The following USP17L2 variants were observed in gnomAD, a reference collection of about 807,000 sequenced individuals.
USP17L2 encodes the protein ubiquitin carboxyl-terminal hydrolase 17.
A neutral mutation model predicts 39.8 loss-of-function variants in USP17L2; 29 were observed. The ratio of observed to expected loss-of-function variants is 0.73; its 90% CI spans 0.54 to 0.99. USP17L2 has a LOEUF of 0.99. Ranked by LOEUF, USP17L2 falls within the 50% of genes least tolerant of loss-of-function variation. The pLI, the probability that USP17L2 is intolerant of heterozygous loss-of-function variation, is 0.00. For synonymous variants in USP17L2, 231 were observed against 252.7 expected, an observed-to-expected ratio of 0.91 and a Z score of 0.81; for missense variants, 567 against 647.2, an observed-to-expected ratio of 0.88 and a Z score of 1.35.
chr8:12,138,610 G>A lies in USP17L2; in HGVS notation c.151C>T (p.Leu51Phe). 1.3e-6 allele frequency: 2 copies of A among 1,530,708 alleles called. No individual in the cohort carries two copies. The highest frequency in any genetic ancestry group is 1.2e-5 in the South Asian group (1 of 81,282). The allele number at this position is 1,530,708 out of a possible 1,614,324, so 94.8% of individuals were successfully genotyped here. The change falls in exon 1 of 1, where the codon CTC becomes TTC. Residue 51 changes from leucine (L) to phenylalanine (F), a missense_variant. Around this residue, in one of 6 missense-constraint regions of USP17L2, gnomAD observed 120 missense variants for 111.0 expected, o/e 1.08. Coordinates refer to ENST00000333796, the MANE Select transcript of USP17L2 (RefSeq NM_201402.3). ...SPLSSEARVDLCDDLAPVARQ... is the reference protein window; with the variant it reads ...SPLSSEARVDFCDDLAPVARQ... Reference sequence around the variant, plus strand: ...GCCACAGGAGCCAAATCATCACAGAGGTCGACACGGGCCTCAGATGAGAGT... The same window carrying A: ...GCCACAGGAGCCAAATCATCACAGAAGTCGACACGGGCCTCAGATGAGAGT...
In USP17L2 at chr8:12,137,473, G is replaced by T. The variant is rs760370198; in HGVS notation, c.1288C>A (p.Gln430Lys). ...TTCCAGTGGTCTAAGGTGCTTTCCT[G>T]AGTGGCTCTTTCCACCAAGCGCTCG... ...LDERLVERAT[Q>K]ESTLDHWKFP... is the part of the protein sequence containing the mutation. The change falls in exon 1 of 1, where the codon CAG becomes AAG. Residue 430 changes from glutamine (Q) to lysine (K), a missense_variant. Physicochemically the swap from Gln to Lys is moderately conservative, Grantham distance 53. Around this residue, in one of 6 missense-constraint regions of USP17L2, gnomAD observed 304 missense variants for 254.7 expected, o/e 1.19. Transcript: ENST00000333796. 6.5e-7 allele frequency: 1 copy of T among 1,532,524 alleles called. No individual in the cohort carries two copies. The highest frequency in any genetic ancestry group is 8.8e-7 in the Non-Finnish European group (1 of 1,135,166). The allele number at this position is 1,532,524 out of a possible 1,614,324, so 94.9% of individuals were successfully genotyped here.
Position 12,138,685 on chromosome 8 carries a change from C to T in USP17L2, c.76G>A (p.Asp26Asn). Residue 26 changes from aspartate to asparagine, a missense_variant, in exon 1 of 1, where the codon GAT becomes AAT. Transcript: ENST00000333796. ...CGCTGGATTTCAGCAAAAGCTGCAT[C>T]TGGCCGAGAAGATGTGAGTTTTGAA... is the stretch of plus-strand genomic sequence containing the variant. Reference protein sequence around the residue: ...HFSKLTSSRPDAAFAEIQRTS... With the variant: ...HFSKLTSSRPNAAFAEIQRTS... The T allele has an allele frequency of 6.7e-6, 10 of 1,486,616 alleles. 1 individual carries two copies. Among genetic ancestry groups the T allele is most frequent in the Non-Finnish European group, 9.1e-6 (10 of 1,094,772 alleles). 92.1% of individuals were successfully genotyped at this position (1,486,616 alleles called of 1,614,324 possible).
Position 12,138,478 on chromosome 8 carries a change from G to C in USP17L2, c.283C>G (p.Leu95Val), listed in dbSNP as rs3988861. The change falls in exon 1 of 1, where the codon CTG becomes GTG. Residue 95 changes from leucine to valine, a missense_variant. Leu to Val is a conservative substitution (Grantham distance 32). Coordinates refer to ENST00000333796, the MANE Select transcript of USP17L2 (RefSeq NM_201402.3). ...GGCGGTGTGTATGTCAGGCACTGCA[G>C]GGAAGCGTTCTCGTAGCAGGTATTT... The part of the protein sequence containing the change: ...MGNTCYENAS[L>V]QCLTYTPPLA... 2 of 1,540,746 alleles carry C rather than the reference G, an allele frequency of 1.3e-6. No homozygotes were observed. Among genetic ancestry groups the C allele is most frequent in the African/African-American group, 2.8e-5 (2 of 70,460 alleles).
rs780942474 is a variant in USP17L2 at position 12,137,527 on chromosome 8, G to T, written c.1234C>A (p.His412Asn). The change falls in exon 1 of 1, where the codon CAC becomes AAC. Residue 412 changes from histidine to asparagine, a missense_variant. Physicochemically the swap from His to Asn is moderately conservative, Grantham distance 68. Coordinates refer to ENST00000333796, the MANE Select transcript of USP17L2 (RefSeq NM_201402.3). Reference protein sequence around the residue: ...RATQGELKRDHPCLQAPELDE... With the variant: ...RATQGELKRDNPCLQAPELDE... ...AACTCGGGTGCCTGGAGGCAGGGGT[G>T]GTCTCTCTTGAGCTCTCCTTGCGTT... 18 of 1,533,004 alleles carry T rather than the reference G, an allele frequency of 1.2e-5. 3 individuals carry two copies. Among genetic ancestry groups the T allele is most frequent in the Non-Finnish European group, 1.3e-5 (15 of 1,135,120 alleles). The allele number at this position is 1,533,004 out of a possible 1,614,324, so 95.0% of individuals were successfully genotyped here. A position where few individuals can be genotyped will look rare whatever the true frequency, so the allele number is the denominator to read the frequency against.
At position 12,137,782 on chromosome 8, in the gene USP17L2, C is replaced by T. The variant is rs1486974528; in HGVS notation, c.979G>A (p.Gly327Arg). ...YVLYAVLVHA[G>R]WSCHDGHYFS... ...TAATGTCCGTCGTGACAACTCCACC[C>T]AGCGTGGACCAGCACAGCATAGAGG... The change falls in exon 1 of 1, where the codon GGG (glycine) becomes AGG (arginine). Residue 327 changes from glycine to arginine, a missense_variant. By Grantham distance (125) the Gly-to-Arg change is moderately radical. Around this residue, in one of 6 missense-constraint regions of USP17L2, gnomAD observed 304 missense variants for 254.7 expected, o/e 1.19. Coordinates refer to ENST00000333796, the MANE Select transcript of USP17L2 (RefSeq NM_201402.3). The T allele has an allele frequency of 4.7e-6, 7 of 1,486,430 alleles. No homozygotes were observed. The highest frequency in any genetic ancestry group is 6.4e-6 in the Non-Finnish European group (7 of 1,094,910). 92.1% of individuals were successfully genotyped at this position (1,486,430 alleles called of 1,614,324 possible).
At position 12,137,030 on chromosome 8, in the gene USP17L2, A is replaced by T; in HGVS notation, c.*138T>A. The T allele has an allele frequency of 9.0e-7, 1 of 1,112,230 alleles. No individual in the cohort carries two copies. Among genetic ancestry groups the T allele is most frequent in the Non-Finnish European group, 1.3e-6 (1 of 777,980 alleles). The allele number at this position is 1,112,230 out of a possible 1,614,324, so 68.9% of individuals were successfully genotyped here. Reference sequence around the variant, plus strand: ...CCCTGTTGTAGAGACAGAAACTTGGACTCCTCATTACTTTATGTAGGATTG... The same window carrying T: ...CCCTGTTGTAGAGACAGAAACTTGGTCTCCTCATTACTTTATGTAGGATTG... On this transcript the variant is annotated 3_prime_UTR_variant, in exon 1 of 1. Transcript: ENST00000333796.
In USP17L2 at chr8:12,136,762, G is replaced by A. The variant is rs56335315; in HGVS notation, c.*406C>T. Among the ~76,000 whole-genome samples, 35 of 139,680 alleles carry A rather than the reference G, an allele frequency of 2.5e-4. 8 individuals carry two copies. Among genetic ancestry groups the A allele is most frequent in the Non-Finnish European group, 3.9e-4 (25 of 64,538 alleles). The allele number at this position is 139,680 out of a possible 152,430, so 91.6% of individuals were successfully genotyped here. A position where few individuals can be genotyped will look rare whatever the true frequency, so the allele number is the denominator to read the frequency against. On this transcript the variant is annotated 3_prime_UTR_variant, in exon 1 of 1. Coordinates refer to ENST00000333796, the MANE Select transcript of USP17L2 (RefSeq NM_201402.3). ...GAGCAAAATTTCACCTTCTCGTGCC[G>A]CCCAACAACTGACGAATGAAACACA...
At position 12,136,767 on chromosome 8, in the gene USP17L2, A is replaced by G. The variant is rs1266984279; in HGVS notation, c.*401T>C. Among the ~76,000 whole-genome samples the G allele has an allele frequency of 4.3e-5, 6 of 140,742 alleles. 2 individuals are homozygous for G. The East Asian group carries it at 1.4e-3, about 33-fold the overall frequency. The allele number at this position is 140,742 out of a possible 152,430, so 92.3% of individuals were successfully genotyped here. On this transcript the variant is annotated 3_prime_UTR_variant, in exon 1 of 1. Transcript: ENST00000333796. ...AAATTTCACCTTCTCGTGCCGCCCA[A>G]CAACTGACGAATGAAACACACCCCA...
In USP17L2 at chr8:12,136,914, T is replaced by C. The variant is rs576237955; in HGVS notation, c.*254A>G. ...CATGAACACAAACACACAGACAGTC[T>C]CTCCAGAGGTTCGGAAGACTCACGA... On this transcript the variant is annotated 3_prime_UTR_variant, in exon 1 of 1. Transcript: ENST00000333796. Among the ~76,000 whole-genome samples the C allele has an allele frequency of 5.7e-5, 8 of 140,230 alleles. No individual in the cohort carries two copies. Among genetic ancestry groups the C allele is most frequent in the East Asian group, 2.3e-4 (1 of 4,278 alleles). The allele number at this position is 140,230 out of a possible 152,430, so 92.0% of individuals were successfully genotyped here. A position where few individuals can be genotyped will look rare whatever the true frequency, so the allele number is the denominator to read the frequency against.
rs555589842 is a variant in USP17L2 at position 12,136,710 on chromosome 8, C to G, written c.*458G>C. 7.1e-6 allele frequency among the ~76,000 whole-genome samples: 1 copy of G among 140,464 alleles called. No homozygotes were observed. The highest frequency in any genetic ancestry group is 2.5e-4 in the South Asian group (1 of 4,028). The allele number at this position is 140,464 out of a possible 152,430, so 92.1% of individuals were successfully genotyped here. ...TTCCAGTTTCCACTATTCAAGGTGG[C>G]GAGAATGATCCATGGATGTGCCACA... is the stretch of plus-strand genomic sequence containing the variant. On this transcript the variant is annotated 3_prime_UTR_variant, in exon 1 of 1. Transcript: ENST00000333796.
Position 12,138,024 on chromosome 8 carries a change from A to G in USP17L2, c.737T>C (p.Leu246Pro), listed in dbSNP as rs1290708268. 2 of 1,410,578 alleles carry G rather than the reference A, an allele frequency of 1.4e-6. No individual in the cohort carries two copies. Among genetic ancestry groups the G allele is most frequent in the Non-Finnish European group, 1.9e-6 (2 of 1,031,482 alleles). The allele number at this position is 1,410,578 out of a possible 1,614,324, so 87.4% of individuals were successfully genotyped here. Reference protein sequence around the residue: ...ALEQLVKPEELNGENAYHCGL... With the variant: ...ALEQLVKPEEPNGENAYHCGL... ...GCAATGATAGGCATTCTCTCCATTG[A>G]GTTCTTCGGGCTTCACCAACTGTTC... Residue 246 changes from leucine to proline, a missense_variant, in exon 1 of 1, where the codon CTC (leucine) becomes CCC (proline). Physicochemically the swap from Leu to Pro is moderately conservative, Grantham distance 98. Coordinates refer to ENST00000333796, the MANE Select transcript of USP17L2 (RefSeq NM_201402.3).
Position 12,138,619 on chromosome 8 carries a change from G to T in USP17L2, c.142C>A (p.Arg48Ser). ...GCCAAATCATCACAGAGGTCGACACGGGCCTCAGATGAGAGTGGTGACTTC... is the reference window on the plus strand; with the variant it reads ...GCCAAATCATCACAGAGGTCGACACTGGCCTCAGATGAGAGTGGTGACTTC... The part of the protein sequence containing the change: ...PEKSPLSSEA[R>S]VDLCDDLAPV... Residue 48 changes from arginine to serine, a missense_variant, in exon 1 of 1, where the codon CGT (arginine) becomes AGT (serine). Transcript: ENST00000333796. 6.5e-7 allele frequency: 1 copy of T among 1,530,562 alleles called. No individual in the cohort carries two copies. Among genetic ancestry groups the T allele is most frequent in the Non-Finnish European group, 8.8e-7 (1 of 1,134,642 alleles). 94.8% of individuals were successfully genotyped at this position (1,530,562 alleles called of 1,614,324 possible). A position where few individuals can be genotyped will look rare whatever the true frequency, so the allele number is the denominator to read the frequency against.
rs1247549662 is a variant in USP17L2, at chr8:12,137,132, T to C, written c.*36A>G. ...GTATTTGTGCGTGTGTGTGTGTGCG[T>C]TCACCCCTACGTGTGGGTCGGCACT... On this transcript the variant is annotated 3_prime_UTR_variant, in exon 1 of 1. Coordinates refer to ENST00000333796, the MANE Select transcript of USP17L2 (RefSeq NM_201402.3). 6.6e-7 allele frequency: 1 copy of C among 1,518,618 alleles called. No individual in the cohort carries two copies. The highest frequency in any genetic ancestry group is 1.5e-5 in the African/African-American group (1 of 67,726). The allele number at this position is 1,518,618 out of a possible 1,614,324, so 94.1% of individuals were successfully genotyped here. A position where few individuals can be genotyped will look rare whatever the true frequency, so the allele number is the denominator to read the frequency against.
Position 12,136,492 on chromosome 8 carries a change from T to C in USP17L2, c.*676A>G, listed in dbSNP as rs1272914096. 7.1e-6 allele frequency among the ~76,000 whole-genome samples: 1 copy of C among 140,634 alleles called. No homozygotes were observed. The highest frequency in any genetic ancestry group is 1.5e-5 in the Non-Finnish European group (1 of 64,948). The allele number at this position is 140,634 out of a possible 152,430, so 92.3% of individuals were successfully genotyped here. ...TATTTCCAAATGACTGACATGCCAGTGGGAAAATTTTCCATTTCGACTCAT... is the reference window on the plus strand; with the variant it reads ...TATTTCCAAATGACTGACATGCCAGCGGGAAAATTTTCCATTTCGACTCAT... On this transcript the variant is annotated 3_prime_UTR_variant, in exon 1 of 1. Coordinates refer to ENST00000333796, the MANE Select transcript of USP17L2 (RefSeq NM_201402.3).
At position 12,137,374 on chromosome 8, in the gene USP17L2, C is replaced by T. The variant is rs1204571711; in HGVS notation, c.1387G>A (p.Val463Ile). The change falls in exon 1 of 1, where the codon GTA (valine) becomes ATA (isoleucine). Residue 463 changes from valine to isoleucine, a missense_variant. Physicochemically the swap from Val to Ile is conservative, Grantham distance 29. Coordinates refer to ENST00000333796, the MANE Select transcript of USP17L2 (RefSeq NM_201402.3). ...RKVEGTLPPN[V>I]LVIHQSKYKC... ...TATTTCGATTGATGAATCACAAGTA[C>T]GTTGGGAGGCAGGGTACCTTCGACT... 5.7e-5 allele frequency: 87 copies of T among 1,531,592 alleles called. 7 individuals carry two copies. Among genetic ancestry groups the T allele is most frequent in the South Asian group, 7.4e-5 (6 of 81,348 alleles). 94.9% of individuals were successfully genotyped at this position (1,531,592 alleles called of 1,614,324 possible). A position where few individuals can be genotyped will look rare whatever the true frequency, so the allele number is the denominator to read the frequency against.
In USP17L2 at chr8:12,137,505, T is replaced by C. The variant is rs373560534; in HGVS notation, c.1256A>G (p.Glu419Gly). 1.3e-6 allele frequency: 2 copies of C among 1,532,880 alleles called. No individual in the cohort carries two copies. The highest frequency in any genetic ancestry group is 1.8e-6 in the Non-Finnish European group (2 of 1,135,162). The allele number at this position is 1,532,880 out of a possible 1,614,324, so 95.0% of individuals were successfully genotyped here. The change falls in exon 1 of 1, where the codon GAG becomes GGG. Residue 419 changes from glutamate to glycine, a missense_variant. Transcript: ENST00000333796. ...TCTTTCCACCAAGCGCTCGTCCAAC[T>C]CGGGTGCCTGGAGGCAGGGGTGGTC... ...KRDHPCLQAPELDERLVERAT... is the reference protein window; with the variant it reads ...KRDHPCLQAPGLDERLVERAT...
In USP17L2 at chr8:12,138,020, A is replaced by T. The variant is rs762807200; in HGVS notation, c.741T>A (p.Asn247Lys). ...GACCGCAATGATAGGCATTCTCTCCATTGAGTTCTTCGGGCTTCACCAACT... is the reference window on the plus strand; with the variant it reads ...GACCGCAATGATAGGCATTCTCTCCTTTGAGTTCTTCGGGCTTCACCAACT... The part of the protein sequence containing the change: ...LEQLVKPEEL[N>K]GENAYHCGLC... The change falls in exon 1 of 1, where the codon AAT becomes AAA. Residue 247 changes from asparagine to lysine, a missense_variant. Around this residue, in one of 6 missense-constraint regions of USP17L2, gnomAD observed 11 missense variants for 36.7 expected, o/e 0.30. Coordinates refer to ENST00000333796, the MANE Select transcript of USP17L2 (RefSeq NM_201402.3). 4.2e-6 allele frequency: 6 copies of T among 1,433,078 alleles called. 1 individual carries two copies. Among genetic ancestry groups the T allele is most frequent in the Non-Finnish European group, 5.7e-6 (6 of 1,051,020 alleles). The allele number at this position is 1,433,078 out of a possible 1,614,324, so 88.8% of individuals were successfully genotyped here.
rs950732488 is a variant in USP17L2, at chr8:12,136,475, A to G, written c.*693T>C. On this transcript the variant is annotated 3_prime_UTR_variant, in exon 1 of 1. Transcript: ENST00000333796. ...TTATTATCAATACGACTTATTTCCA[A>G]ATGACTGACATGCCAGTGGGAAAAT... 7.1e-5 allele frequency among the ~76,000 whole-genome samples: 10 copies of G among 140,628 alleles called. 2 individuals carry two copies. The highest frequency in any genetic ancestry group is 2.7e-4 in the African/African-American group (10 of 37,268). 92.3% of individuals were successfully genotyped at this position (140,628 alleles called of 152,430 possible). A position where few individuals can be genotyped will look rare whatever the true frequency, so the allele number is the denominator to read the frequency against.
In USP17L2 at chr8:12,137,799, G is replaced by T; in HGVS notation, c.962C>A (p.Ala321Asp). The T allele has an allele frequency of 1.3e-6, 2 of 1,485,704 alleles. No individual in the cohort carries two copies. The highest frequency in any genetic ancestry group is 1.8e-6 in the Non-Finnish European group (2 of 1,092,632). The allele number at this position is 1,485,704 out of a possible 1,614,324, so 92.0% of individuals were successfully genotyped here. The change falls in exon 1 of 1, where the codon GCT (alanine) becomes GAT (aspartate). Residue 321 changes from alanine to aspartate, a missense_variant. This residue lies in a region of USP17L2 where 304 missense variants were observed against 254.7 expected (regional missense o/e 1.19). Transcript: ENST00000333796. ...NTGPLVYVLY[A>D]VLVHAGWSCH... ...ACTCCACCCAGCGTGGACCAGCACA[G>T]CATAGAGGACATAGACAAGAGGTCC...
Sources: gnomAD v4.1 joint callset for allele counts (sites outside exome capture counted in the v4.1 genomes callset) on GRCh38, gnomAD v4.1.1 for gene constraint, gnomAD v4.1.1 regional missense constraint, MANE v1.5 for transcripts, NCBI Gene and HGNC (gene_info 2026-07-23, HGNC 2026-07-21) for gene names.